PPP2R2B: variants seen among roughly 807,000 people sequenced by gnomAD.
PPP2R2B encodes the protein protein phosphatase 2 regulatory subunit Bbeta.
PPP2R2B carries 5 observed loss-of-function variants against 46.0 expected under a neutral mutation model. The observed-to-expected ratio is 0.11, with a 90% CI of 0.06 to 0.23. The LOEUF is 0.23. Among genes scored for constraint, PPP2R2B ranks in the 10% least tolerant of loss-of-function variants. PPP2R2B has a pLI of 1.00. For synonymous variants in PPP2R2B, 215 were observed against 206.7 expected, an observed-to-expected ratio of 1.04 and a Z score of -0.34; for missense variants, 367 against 575.0, an observed-to-expected ratio of 0.64 and a Z score of 3.70.
At chr5:146,621,029 C>G (rs1392198302) in intron 7 of PPP2R2B, among the ~76,000 whole-genome samples, 1 of 152,250 alleles carries the variant, frequency 6.6e-6, no homozygotes, top group Non-Finnish European at 1.5e-5. Context: ...TCCCCACTGA[C>G]AGTGATCTCC....
At chr5:146,822,685 G>A (rs184648230) in intron 2 of PPP2R2B, among the ~76,000 whole-genome samples, 1 of 151,814 alleles carries the variant, frequency 6.6e-6, no homozygotes, top group Non-Finnish European at 1.5e-5. Context: ...TGCTTTGTGG[G>A]TTCTTCCTCC....
At chr5:146,850,169 C>T (rs899059207) in intron 2 of PPP2R2B, among the ~76,000 whole-genome samples, 4 of 152,148 alleles carry the variant, frequency 2.6e-5, no homozygotes, top group Non-Finnish European at 5.9e-5. Flanking sequence ...GGGAGCTCAT[C>T]TTGAATCTTT....
chr5:146,916,647 T>C (rs1395478852), intron 1 of PPP2R2B, among the ~76,000 whole-genome samples: 1 of 152,152 alleles, frequency 6.6e-6, no homozygotes, highest in Non-Finnish European at 1.5e-5. Context: ...AGTGAGTCCA[T>C]ACTCACTCAG....
chr5:146,857,671 A>G (rs1239458601), intron 2 of PPP2R2B, among the ~76,000 whole-genome samples: 3 of 151,834 alleles, frequency 2.0e-5, no homozygotes, highest in Non-Finnish European at 4.4e-5. Context: ...ATCTTAAGAC[A>G]TATACATAAC....
intron 2 of PPP2R2B, among the ~76,000 whole-genome samples, chr5:146,737,935 G>C (rs1752635711): frequency 6.6e-6 from 1 of 150,684 alleles, no homozygotes; most frequent in African/African-American, 2.5e-5. Flanking sequence ...GTGAGACCCT[G>C]TCTCAAAAAA....
chr5:146,750,492 C>T (rs548944283), intron 2 of PPP2R2B, among the ~76,000 whole-genome samples: 4 of 152,078 alleles, frequency 2.6e-5, no homozygotes, highest in East Asian at 1.9e-4. Context: ...CAAAAGAGGC[C>T]GCATGTATCA....
chr5:146,933,755 A>C (rs184986958), intron 1 of PPP2R2B, among the ~76,000 whole-genome samples: 2 of 151,420 alleles, frequency 1.3e-5, no homozygotes, highest in East Asian at 3.9e-4. Flanking sequence ...ATATGTATAC[A>C]TGTGCCATGC....
intron 7 of PPP2R2B, among the ~76,000 whole-genome samples, chr5:146,620,207 G>A (rs2151054036): frequency 6.6e-6 from 1 of 152,282 alleles, no homozygotes; most frequent in South Asian, 2.1e-4. Flanking sequence ...CTAAAGAAAG[G>A]GGAAGCGAAA....
Position 146,622,089 on chromosome 5 carries a change from C to G in PPP2R2B, c.790+16162G>C, listed in dbSNP as rs557487663. 5.8e-4 allele frequency among the ~76,000 whole-genome samples: 88 copies of G among 152,276 alleles called. 1 individual carries two copies. The highest frequency in any genetic ancestry group is 1.9e-3 in the African/African-American group (81 of 41,550). On this transcript the variant is annotated intron_variant, in intron 7 of 9. Transcript: ENST00000394411. The stretch of plus-strand genomic sequence containing the variant: ...CTTCCCTGGCTACCTCTCCTACAGG[C>G]CTGGGGAGGCAAAGATGGGAAGTGT...
rs12655613 is a variant in PPP2R2B, at chr5:146,951,181, G to T, written c.79+104484C>A. ...GTACTCTGGAATCTCTTTTTTGTTT[G>T]TTTTTTTTTAATATCAGCTTTATTG... On this transcript the variant is annotated intron_variant, in intron 1 of 8. Coordinates refer to the PPP2R2B transcript ENST00000336640. Among the ~76,000 whole-genome samples, 577 of 150,130 alleles carry T rather than the reference G, an allele frequency of 3.8e-3. 3 individuals are homozygous for T. Among genetic ancestry groups the T allele is most frequent in the African/African-American group, 0.013 (543 of 40,918 alleles).
intron 2 of PPP2R2B, among the ~76,000 whole-genome samples, chr5:146,807,776 CTTT>C (rs10583721): frequency 7.6e-4 from 28 of 36,924 alleles, no homozygotes; most frequent in South Asian, 3.3e-3. Flanking sequence ...GGGGTGCCTT[CTTT>C]TTTTTTTTTT....
At chr5:146,942,954 C>T (rs561026605) in intron 1 of PPP2R2B, among the ~76,000 whole-genome samples, 22 of 152,118 alleles carry the variant, frequency 1.4e-4, no homozygotes, top group East Asian at 3.9e-4. Context: ...CCCGCCACCA[C>T]GCCTGACTAA....
intron 1 of PPP2R2B, among the ~76,000 whole-genome samples, chr5:146,911,720 G>A (rs1307977679): frequency 6.6e-6 from 1 of 152,002 alleles, no homozygotes; most frequent in African/African-American, 2.4e-5. Context: ...CCCTCTATAT[G>A]GCCACACCTA....
chr5:146,774,078 C>T (rs1755030009), intron 2 of PPP2R2B, among the ~76,000 whole-genome samples: 1 of 152,132 alleles, frequency 6.6e-6, no homozygotes, highest in Admixed American at 6.6e-5. Context: ...ACTTATAAGC[C>T]TTGGACTAAT....
chr5:146,672,911 G>C (rs2151123980), intron 5 of PPP2R2B, among the ~76,000 whole-genome samples: 1 of 152,208 alleles, frequency 6.6e-6, no homozygotes, highest in South Asian at 2.1e-4. Flanking sequence ...ATAGAAAATG[G>C]GATAAACCCA....
chr5:146,800,905 G>A (rs1258860432), intron 2 of PPP2R2B, among the ~76,000 whole-genome samples: 1 of 150,884 alleles, frequency 6.6e-6, no homozygotes, highest in African/African-American at 2.4e-5. Flanking sequence ...GAAAATGTGG[G>A]GTATGTGTAC....
intron 2 of PPP2R2B, chr5:146,707,124 C>A: frequency 6.3e-7 from 1 of 1,596,590 alleles, no homozygotes. Flanking sequence ...TGCCAAGCTC[C>A]GCCTCCAGCT....
At chr5:146,974,608 C>A (rs1752811960) in intron 1 of PPP2R2B, among the ~76,000 whole-genome samples, 1 of 151,912 alleles carries the variant, frequency 6.6e-6, no homozygotes, top group Non-Finnish European at 1.5e-5. Flanking sequence ...TAATCCTAGG[C>A]ACAAACTATA....
chr5:146,652,746 A>T lies in PPP2R2B; in HGVS notation c.448-2022T>A, dbSNP rs111284010. The stretch of plus-strand genomic sequence containing the variant: ...ATTGTGGGAGATGAGGTGACAGGCT[A>T]GGTAGGAGGCAACACCCCCCCCCAA... On this transcript the variant is annotated intron_variant, in intron 5 of 9. Transcript: ENST00000394411. Among the ~76,000 whole-genome samples the T allele has an allele frequency of 2.3e-3, 254 of 111,976 alleles. 1 individual carries two copies. Among genetic ancestry groups the T allele is most frequent in the African/African-American group, 7.1e-3 (225 of 31,762 alleles). The allele number at this position is 111,976 out of a possible 152,430, so 73.5% of individuals were successfully genotyped here.
Sources: allele counts gnomAD v4.1 joint callset (sites outside exome capture counted in the v4.1 genomes callset), GRCh38; gene constraint gnomAD v4.1.1; transcripts MANE v1.5; gene names NCBI Gene and HGNC (gene_info 2026-07-23, HGNC 2026-07-21).